Variants in SYNE1 observed in about 807,000 individuals in gnomAD.
SYNE1 encodes nesprin-1.
SYNE1 carries 616 observed loss-of-function variants against 1,111.0 expected under a neutral mutation model. That is an observed-to-expected ratio of 0.55 (90% CI 0.52 to 0.59). The LOEUF (loss-of-function observed/expected upper bound fraction) is 0.59, where lower values mean the gene tolerates loss of function less well. Among genes scored for constraint, SYNE1 ranks in the 20% least tolerant of loss-of-function variants. The pLI is 0.00. For synonymous variants in SYNE1, 3,855 were observed against 3,825.8 expected, an observed-to-expected ratio of 1.01 and a Z score of -0.28; for missense variants, 10,006 against 10,417.0, an observed-to-expected ratio of 0.96 and a Z score of 1.72.
chr6:152,321,304 G>C lies in SYNE1; in HGVS notation c.16170C>G (p.Thr5390=). ...GAAGGGAGAGTTCAGAAGGTAATAT[G>C]GTATAAAGACCTAAGTACTTCTCCT... ...EQKEKYLGLY[T]ILPSELSLQL... Residue 5390 remains threonine, a synonymous_variant, in exon 84 of 146, where the codon ACC becomes ACG. Transcript: ENST00000367255. 6.2e-7 allele frequency: 1 copy of C among 1,613,680 alleles called. No individual in the cohort carries two copies. The highest frequency in any genetic ancestry group is 8.5e-7 in the Non-Finnish European group (1 of 1,179,826).
At chr6:152,448,213 T>A (rs2098609206) in intron 28 of SYNE1, among the ~76,000 whole-genome samples, 1 of 152,212 alleles carries the variant, frequency 6.6e-6, no homozygotes, top group African/African-American at 2.4e-5. Context: ...AGCGAGGCTT[T>A]ATTGATAAGA....
intron 6 of SYNE1, among the ~76,000 whole-genome samples, chr6:152,512,929 T>C (rs976137196): frequency 3.3e-5 from 5 of 152,088 alleles, no homozygotes; most frequent in Non-Finnish European, 2.9e-5. Flanking sequence ...TGGGACCATA[T>C]TGACAGATAA....
chr6:152,422,838 T>A (rs1432795348), intron 39 of SYNE1, among the ~76,000 whole-genome samples: 3 of 152,238 alleles, frequency 2.0e-5, no homozygotes, highest in Non-Finnish European at 4.4e-5. Context: ...CACAAATCTC[T>A]TCAAAACTTT....
At chr6:152,394,464 T>C (rs1048026115) in intron 51 of SYNE1, among the ~76,000 whole-genome samples, 4 of 152,132 alleles carry the variant, frequency 2.6e-5, no homozygotes, top group African/African-American at 9.7e-5. Flanking sequence ...GTGGAAAGTA[T>C]CCTATCTTCC....
Position 152,336,981 on chromosome 6 carries a change from G to A in SYNE1, c.12388C>T (p.Gln4130Ter). 6.2e-7 allele frequency: 1 copy of A among 1,614,000 alleles called. No homozygotes were observed. Among genetic ancestry groups the A allele is most frequent in the Non-Finnish European group, 8.5e-7 (1 of 1,180,028 alleles). ...QKLVQAQNLTQGWEEIKHLKS... is the reference protein window; with the variant it reads ...QKLVQAQNLT ...AGGTGCTTGATCTCTTCCCAGCCCTGAGTTAAGTTCTGGGCCTGGACAAGC... is the reference window on the plus strand; with the variant it reads ...AGGTGCTTGATCTCTTCCCAGCCCTAAGTTAAGTTCTGGGCCTGGACAAGC... The change falls in exon 76 of 146, where the codon CAG becomes TAG. Residue 4130 changes from glutamine (Q) to a stop codon, truncating the protein, a stop_gained. Coordinates refer to ENST00000367255, the MANE Select transcript of SYNE1 (RefSeq NM_182961.4). LOFTEE classifies it high-confidence loss of function.
chr6:152,471,662 G>C lies in SYNE1; in HGVS notation c.1567C>G (p.Leu523Val). ...CCGTACTTAATGATCCAAGACTTCAGCTTTGACTCTGCAAGAACCAGCAGT... is the reference window on the plus strand; with the variant it reads ...CCGTACTTAATGATCCAAGACTTCACCTTTGACTCTGCAAGAACCAGCAGT... ...LSLLVLAESK[L>V]KSWIIKYGRR... Residue 523 changes from leucine (L) to valine (V), a missense_variant, in exon 16 of 146, where the codon CTG becomes GTG. Leu to Val is a conservative substitution (Grantham distance 32). Around this residue, in one of 7 missense-constraint regions of SYNE1, gnomAD observed 1,971 missense variants for 2,084.1 expected, o/e 0.95. Coordinates refer to ENST00000367255, the MANE Select transcript of SYNE1 (RefSeq NM_182961.4). The C allele has an allele frequency of 6.2e-7, 1 of 1,614,014 alleles. No homozygotes were observed. Among genetic ancestry groups the C allele is most frequent in the Non-Finnish European group, 8.5e-7 (1 of 1,179,908 alleles).
intron 13 of SYNE1, 148 bp downstream of exon 13, chr6:152,484,687 A>T: frequency 1.2e-6 from 1 of 809,588 alleles, no homozygotes; most frequent in Non-Finnish European, 1.9e-6. Context: ...CTAGACAAGG[A>T]GGCAAAGATT....
intron 63 of SYNE1, among the ~76,000 whole-genome samples, chr6:152,364,318 G>A (rs1193141962): frequency 1.3e-5 from 2 of 151,990 alleles, no homozygotes; most frequent in African/African-American, 2.4e-5. Context: ...GAGTGAGAAC[G>A]GGCTAATACA....
intron 98 of SYNE1, among the ~76,000 whole-genome samples, chr6:152,270,805 G>A (rs1398702199): frequency 6.6e-6 from 1 of 152,150 alleles, no homozygotes; most frequent in African/African-American, 2.4e-5. Context: ...TTTTAGGGAG[G>A]CCTAAGGAAG....
Position 152,520,434 on chromosome 6 carries a change from C to T in SYNE1, c.309+25G>A, listed in dbSNP as rs375972259. ...GTATGCCCACACCTTCTTCCTTGGGCATTTTGTTTTTGTTTCTCTCTTACC... is the reference window on the plus strand; with the variant it reads ...GTATGCCCACACCTTCTTCCTTGGGTATTTTGTTTTTGTTTCTCTCTTACC... On this transcript the variant is annotated intron_variant, in intron 6 of 145. Transcript: ENST00000367255. 15 of 1,610,452 alleles carry T rather than the reference C, an allele frequency of 9.3e-6. No individual in the cohort carries two copies. The African/African-American group carries it at 2.0e-4, about 22-fold the overall frequency.
At position 152,221,352 on chromosome 6, in the gene SYNE1, C is replaced by T; in HGVS notation, c.21656+74G>A. ...TCTATATAGCTCAAATTCAAACTGT[C>T]ATTGTTTTAATTATATCATTATTTA... On this transcript the variant is annotated intron_variant, in intron 118 of 145. Coordinates refer to ENST00000367255, the MANE Select transcript of SYNE1 (RefSeq NM_182961.4). 5 of 1,545,192 alleles carry T rather than the reference C, an allele frequency of 3.2e-6. 1 individual carries two copies. The South Asian group carries it at 3.4e-5, about 11-fold the overall frequency.
intron 51 of SYNE1, among the ~76,000 whole-genome samples, chr6:152,393,245 G>A (rs569018400): frequency 6.6e-4 from 100 of 152,186 alleles, no homozygotes; most frequent in African/African-American, 2.3e-3. Context: ...TTTCTCTAAC[G>A]CAGTTTTGGT....
intron 145 of SYNE1, 147 bp from the exon 146 acceptor site, chr6:152,122,823 C>G: frequency 8.4e-7 from 1 of 1,186,934 alleles, no homozygotes; most frequent in Non-Finnish European, 1.2e-6. Context: ...ACAGTGTGCC[C>G]AGGTCACCCC....
intron 115 of SYNE1, among the ~76,000 whole-genome samples, chr6:152,230,147 C>T (rs2153507148): frequency 6.6e-6 from 1 of 152,158 alleles, no homozygotes; most frequent in South Asian, 2.1e-4. Context: ...ATCCTCCCAC[C>T]TCAGCCTCCT....
chr6:152,216,074 G>C (rs995970052), intron 121 of SYNE1, among the ~76,000 whole-genome samples: 1 of 152,182 alleles, frequency 6.6e-6, no homozygotes, highest in Non-Finnish European at 1.5e-5. Context: ...TAGGAAATTG[G>C]TTACAGGAAA....
At chr6:152,207,915 T>TA in intron 125 of SYNE1, 57 bp downstream of exon 125, 2 of 1,578,730 alleles carry the variant, frequency 1.3e-6, no homozygotes, top group Admixed American at 1.7e-5. Context: ...GAGGCGAAGG[T>TA]AAAGTGTGCG....
chr6:152,164,076 G>A, intron 131 of SYNE1, 87 bp downstream of exon 131: 1 of 1,569,854 alleles, frequency 6.4e-7, no homozygotes. Context: ...TCCATCTCCA[G>A]GCACCATCTC....
At chr6:152,529,456 G>A (rs2099185202) in intron 4 of SYNE1, among the ~76,000 whole-genome samples, 1 of 152,158 alleles carries the variant, frequency 6.6e-6, no homozygotes, top group Non-Finnish European at 1.5e-5. Flanking sequence ...AGGGACTAGT[G>A]TCATCAGGTC....
At chr6:152,202,209 T>A (rs2075610403) in intron 126 of SYNE1, among the ~76,000 whole-genome samples, 2 of 151,702 alleles carry the variant, frequency 1.3e-5, no homozygotes, top group South Asian at 4.2e-4. Flanking sequence ...TAGCCAGGCA[T>A]GGTGGCAGGC....
Sources: gnomAD v4.1 joint callset for allele counts (sites outside exome capture counted in the v4.1 genomes callset) on GRCh38, gnomAD v4.1.1 for gene constraint, gnomAD v4.1.1 regional missense constraint, MANE v1.5 for transcripts, NCBI Gene and HGNC (gene_info 2026-07-23, HGNC 2026-07-21) for gene names.